Variants in CCDC171 observed in about 807,000 individuals in gnomAD.
The protein encoded by CCDC171 is coiled-coil domain-containing protein 171.
In CCDC171, 177 loss-of-function variants were observed where a neutral mutation model predicts 168.2. The ratio of observed to expected loss-of-function variants is 1.05; its 90% CI spans 0.93 to 1.19. The LOEUF is 1.19. Ranked by LOEUF, CCDC171 falls within the 50% of genes most tolerant of loss-of-function variation. The pLI is 0.00. For synonymous variants in CCDC171, 687 were observed against 540.8 expected, an observed-to-expected ratio of 1.27 and a Z score of -3.75; for missense variants, 1,991 against 1,539.0, an observed-to-expected ratio of 1.29 and a Z score of -4.91.
chr9:15,907,947 A>G (rs1453656069), intron 24 of CCDC171, among the ~76,000 whole-genome samples: 1 of 152,180 alleles, frequency 6.6e-6, no homozygotes, highest in African/African-American at 2.4e-5. Flanking sequence ...AATCAAAACC[A>G]CAATGAGATA....
At chr9:15,716,689 A>G (rs1002029942) in intron 11 of CCDC171, among the ~76,000 whole-genome samples, 3 of 152,132 alleles carry the variant, frequency 2.0e-5, no homozygotes, top group African/African-American at 4.8e-5. Flanking sequence ...ACATCATCTC[A>G]TGGTAGAAGA....
chr9:15,999,246 A>G (rs1231871121), intron 3 of CCDC171, among the ~76,000 whole-genome samples: 1 of 150,050 alleles, frequency 6.7e-6, no homozygotes, highest in African/African-American at 2.4e-5. Flanking sequence ...ATAGAAAGAA[A>G]AGAAAGAAAG....
At chr9:15,796,288 C>G (rs77038519) in intron 21 of CCDC171, among the ~76,000 whole-genome samples, 93 of 151,928 alleles carry the variant, frequency 6.1e-4, no homozygotes, top group African/African-American at 2.2e-3. Context: ...ACACATAATG[C>G]TCTCCAGGGG....
chr9:15,913,115 C>G (rs200691510), intron 24 of CCDC171, among the ~76,000 whole-genome samples: 1 of 152,146 alleles, frequency 6.6e-6, no homozygotes, highest in Non-Finnish European at 1.5e-5. Context: ...AAGGAATGGT[C>G]CAGCTCCTTT....
chr9:16,023,925 T>C (rs1353739664), intron 6 of CCDC171, among the ~76,000 whole-genome samples: 1 of 145,536 alleles, frequency 6.9e-6, no homozygotes, highest in African/African-American at 2.6e-5. Flanking sequence ...ATTAAGAATC[T>C]TGACATGGGG....
At chr9:15,633,197 C>T (rs1484584092) in intron 7 of CCDC171, among the ~76,000 whole-genome samples, 2 of 152,126 alleles carry the variant, frequency 1.3e-5, no homozygotes, top group Non-Finnish European at 2.9e-5. Context: ...TAAAGAGCTC[C>T]TACACAGCAA....
At chr9:15,662,968 G>A (rs185617968) in intron 8 of CCDC171, among the ~76,000 whole-genome samples, 7 of 145,652 alleles carry the variant, frequency 4.8e-5, no homozygotes, top group Non-Finnish European at 9.0e-5. Context: ...GGGACAACGC[G>A]AGACTTCGTC....
intron 6 of CCDC171, among the ~76,000 whole-genome samples, chr9:15,597,884 G>T (rs2042501613): frequency 6.6e-6 from 1 of 152,134 alleles, no homozygotes; most frequent in Admixed American, 6.6e-5. Flanking sequence ...GAGGGTGTAT[G>T]TGTCCAGGAA....
intron 1 of CCDC171, among the ~76,000 whole-genome samples, chr9:15,560,112 G>C (rs1489792464): frequency 1.3e-5 from 2 of 152,182 alleles, no homozygotes; most frequent in Admixed American, 1.3e-4. Context: ...CTGTTAGTCT[G>C]ATGGGCTTCC....
chr9:15,646,153 C>G (rs1186439632), intron 7 of CCDC171, among the ~76,000 whole-genome samples: 2 of 152,146 alleles, frequency 1.3e-5, no homozygotes, highest in Non-Finnish European at 2.9e-5. Context: ...AACTAAGCTT[C>G]ATAAGTGAAG....
At chr9:15,976,796 A>C (rs573524924), downstream of CCDC171, among the ~76,000 whole-genome samples, 1 of 152,058 alleles carries the variant, frequency 6.6e-6, no homozygotes, top group Admixed American at 6.6e-5. Flanking sequence ...AATCTTCTAA[A>C]ATTTTTACAA....
At chr9:15,915,331 A>C (rs1474507404) in intron 24 of CCDC171, among the ~76,000 whole-genome samples, 1 of 148,884 alleles carries the variant, frequency 6.7e-6, no homozygotes, top group African/African-American at 2.5e-5. Flanking sequence ...CTACTTATAG[A>C]TCTTTCCGTC....
At chr9:15,615,948 TG>T (rs1240793585) in intron 6 of CCDC171, among the ~76,000 whole-genome samples, 3 of 152,024 alleles carry the variant, frequency 2.0e-5, no homozygotes, top group African/African-American at 7.2e-5. Flanking sequence ...AGCTAATTTT[TG>T]TTTATTTATT....
Position 16,045,287 on chromosome 9 carries a change from G to A in CCDC171, n.89+2401G>A, listed in dbSNP as rs144106006. Among the ~76,000 whole-genome samples, 4 of 152,258 alleles carry A rather than the reference G, an allele frequency of 2.6e-5. No individual in the cohort carries two copies. In the East Asian group the frequency reaches 7.7e-4, roughly 29 times the overall value. ...AGGGAAGGGAAGGAGGCCACCAAAGGGAACCTCGTCAAGGTGGTGGCCACT... is the reference window on the plus strand; with the variant it reads ...AGGGAAGGGAAGGAGGCCACCAAAGAGAACCTCGTCAAGGTGGTGGCCACT... On this transcript the variant is annotated intron_variant and non_coding_transcript_variant, in intron 1 of 1. Coordinates refer to the CCDC171 transcript ENST00000478913.
intron 25 of CCDC171, among the ~76,000 whole-genome samples, chr9:15,937,140 G>T (rs1346406380): frequency 6.6e-6 from 1 of 151,948 alleles, no homozygotes; most frequent in African/African-American, 2.4e-5. Context: ...CCAGCATGTT[G>T]GTTTAACCGC....
chr9:15,907,411 G>T (rs1028368383), intron 24 of CCDC171, among the ~76,000 whole-genome samples: 1 of 152,178 alleles, frequency 6.6e-6, no homozygotes, highest in African/African-American at 2.4e-5. Context: ...ATGGGGAAAC[G>T]ATTCCCTATT....
At chr9:16,086,135 T>C in the CCDC171 span, among the ~76,000 whole-genome samples, 1 of 152,204 alleles carries the variant, frequency 6.6e-6, no homozygotes, top group Admixed American at 6.5e-5. Context: ...TTAGAGCTTG[T>C]TACTGGTCTA....
intron 23 of CCDC171, among the ~76,000 whole-genome samples, chr9:15,865,777 A>G (rs948790479): frequency 2.6e-5 from 4 of 151,810 alleles, no homozygotes; most frequent in African/African-American, 9.7e-5. Flanking sequence ...GTCAGAAGTT[A>G]CACATGGATT....
intron 11 of CCDC171, among the ~76,000 whole-genome samples, chr9:15,715,291 A>G (rs1026335479): frequency 6.6e-6 from 1 of 152,214 alleles, no homozygotes; most frequent in African/African-American, 2.4e-5. Context: ...CATTTTTCCT[A>G]AACACTCTAG....
Sources: gnomAD v4.1 joint callset for allele counts (sites outside exome capture counted in the v4.1 genomes callset) on GRCh38, gnomAD v4.1.1 for gene constraint, MANE v1.5 for transcripts, NCBI Gene and HGNC (gene_info 2026-07-23, HGNC 2026-07-21) for gene names.